The following PRKCQ variants were observed in gnomAD, a reference collection of about 807,000 sequenced individuals.
The protein encoded by PRKCQ is protein kinase C theta type.
PRKCQ carries 41 observed loss-of-function variants against 91.2 expected under a neutral mutation model. That is an observed-to-expected ratio of 0.45 (90% CI 0.35 to 0.58). The LOEUF is 0.58. Ranked by LOEUF, PRKCQ falls within the 20% of genes least tolerant of loss-of-function variation. PRKCQ has a pLI of 0.00. For synonymous variants in PRKCQ, 307 were observed against 316.9 expected, an observed-to-expected ratio of 0.97 and a Z score of 0.33; for missense variants, 673 against 896.5, an observed-to-expected ratio of 0.75 and a Z score of 3.18.
At chr10:6,526,640 C>T (rs1184565366) in intron 1 of PRKCQ, among the ~76,000 whole-genome samples, 8 of 152,120 alleles carry the variant, frequency 5.3e-5, no homozygotes, top group Admixed American at 2.6e-4. Flanking sequence ...CTGCCAAGCA[C>T]GTTCTGGGAA....
At position 6,430,760 on chromosome 10, in the gene PRKCQ, G is replaced by A. The variant is rs555551020; in HGVS notation, c.1965+50C>T. 27 of 1,596,442 alleles carry A rather than the reference G, an allele frequency of 1.7e-5. No individual in the cohort carries two copies. The South Asian group carries it at 2.2e-4, about 13-fold the overall frequency. ...GTGACTTGGACAGGCAGACGGCCCT[G>A]AGCGGAGGGAGAGTGGCTGACACCA... On this transcript the variant is annotated intron_variant, in intron 17 of 17. Transcript: ENST00000263125. This position sits in a 1 kb window ranked among gnomAD's most constrained non-coding sequence, Gnocchi z 4.7.
At chr10:6,490,634 A>C (rs2130800406) in intron 8 of PRKCQ, among the ~76,000 whole-genome samples, 1 of 151,980 alleles carries the variant, frequency 6.6e-6, no homozygotes, top group Non-Finnish European at 1.5e-5. Context: ...GGTCCCAGCT[A>C]CTTGAGAGGC....
intron 14 of PRKCQ, among the ~76,000 whole-genome samples, chr10:6,461,984 A>G (rs1835373847): frequency 6.6e-6 from 1 of 152,220 alleles, no homozygotes; most frequent in African/African-American, 2.4e-5. Context: ...AAGGGGACAA[A>G]AGAGAAAGAA....
chr10:6,462,657 GTCAT>G (rs1409606009), intron 13 of PRKCQ, among the ~76,000 whole-genome samples: 1 of 152,090 alleles, frequency 6.6e-6, no homozygotes, highest in Non-Finnish European at 1.5e-5. Context: ...TGCTCACATT[GTCAT>G]TTTTTTTGTT....
At chr10:6,506,688 C>T (rs1003402139) in intron 4 of PRKCQ, among the ~76,000 whole-genome samples, 10 of 151,908 alleles carry the variant, frequency 6.6e-5, no homozygotes, top group Non-Finnish European at 1.0e-4. Flanking sequence ...TATGGTAAGC[C>T]GAAACTCAGA....
At chr10:6,407,179 C>T in the PRKCQ span, among the ~76,000 whole-genome samples, 10 of 151,974 alleles carry the variant, frequency 6.6e-5, no homozygotes, top group Non-Finnish European at 1.2e-4. This position sits in a 1 kb window ranked among gnomAD's most constrained non-coding sequence, Gnocchi z 4.0. Flanking sequence ...GGGCTGGAGA[C>T]ATGAGACAGA....
chr10:6,461,329 G>A (rs943749444), intron 14 of PRKCQ, among the ~76,000 whole-genome samples: 4 of 151,978 alleles, frequency 2.6e-5, no homozygotes, highest in Non-Finnish European at 5.9e-5. Context: ...CAGTGCCTAG[G>A]TACAAAAATA....
the PRKCQ span, among the ~76,000 whole-genome samples, chr10:6,397,934 A>C: frequency 6.6e-6 from 1 of 152,174 alleles, no homozygotes; most frequent in Non-Finnish European, 1.5e-5. Context: ...TAAAAAAAAA[A>C]GAAAGAAAGA....
chr10:6,475,603 A>G (rs1260024648), intron 12 of PRKCQ, among the ~76,000 whole-genome samples: 1 of 152,250 alleles, frequency 6.6e-6, no homozygotes, highest in Non-Finnish European at 1.5e-5. Flanking sequence ...TTAAAAAATA[A>G]CAATGCCCTG....
chr10:6,428,596 C>A (rs533935111), intron 17 of PRKCQ, among the ~76,000 whole-genome samples: 1 of 152,004 alleles, frequency 6.6e-6, no homozygotes, highest in African/African-American at 2.4e-5. Context: ...AGAAAGACTA[C>A]GACTGTAGAC....
chr10:6,563,366 T>C (rs1169472420), intron 1 of PRKCQ, among the ~76,000 whole-genome samples: 1 of 151,998 alleles, frequency 6.6e-6, no homozygotes, highest in Non-Finnish European at 1.5e-5. Flanking sequence ...GTGCCCTGCC[T>C]TCTGAGTCCA....
chr10:6,569,797 G>A (rs867821033), intron 1 of PRKCQ, among the ~76,000 whole-genome samples: 67 of 152,170 alleles, frequency 4.4e-4, no homozygotes, highest in African/African-American at 1.5e-3. Context: ...GCAGAAAAGA[G>A]CAGGAGGAGA....
At chr10:6,470,460 A>T (rs1475227716) in intron 12 of PRKCQ, among the ~76,000 whole-genome samples, 2 of 152,224 alleles carry the variant, frequency 1.3e-5, no homozygotes. Flanking sequence ...ATACAACGTA[A>T]TGTTGGGTCT....
chr10:6,502,859 G>A (rs1480971415), intron 4 of PRKCQ, among the ~76,000 whole-genome samples: 3 of 152,294 alleles, frequency 2.0e-5, no homozygotes, highest in South Asian at 2.1e-4. Context: ...TAGGTTACTC[G>A]TGAATGTGGC....
At chr10:6,508,768 C>T (rs1022611877) in intron 3 of PRKCQ, among the ~76,000 whole-genome samples, 1 of 152,102 alleles carries the variant, frequency 6.6e-6, no homozygotes, top group Non-Finnish European at 1.5e-5. Flanking sequence ...GTATTCAGTA[C>T]TTAGTAGTGA....
chr10:6,449,693 G>C (rs1422973735), intron 15 of PRKCQ, among the ~76,000 whole-genome samples: 2 of 152,060 alleles, frequency 1.3e-5, no homozygotes, highest in African/African-American at 4.8e-5. Context: ...GAAAGGTCGG[G>C]TTACCCACAA....
chr10:6,453,436 A>G (rs1381194393), intron 15 of PRKCQ, among the ~76,000 whole-genome samples: 1 of 152,160 alleles, frequency 6.6e-6, no homozygotes, highest in Non-Finnish European at 1.5e-5. Context: ...GCTGGAGAGG[A>G]TGTGGAGAAA....
At chr10:6,579,649 CTT>C (rs5782914) in intron 1 of PRKCQ, among the ~76,000 whole-genome samples, 3,661 of 131,966 alleles carry the variant, frequency 0.028, 127 homozygotes, top group African/African-American at 0.087. Flanking sequence ...GCAGATTTTT[CTT>C]TTTTTTTTTT....
At chr10:6,538,887 C>T (rs1222408536) in intron 1 of PRKCQ, among the ~76,000 whole-genome samples, 2 of 152,108 alleles carry the variant, frequency 1.3e-5, no homozygotes, top group Admixed American at 6.5e-5. Context: ...CCTCACCCTC[C>T]GGAGTAGCTG....
Sources: gnomAD v4.1 joint callset for allele counts (sites outside exome capture counted in the v4.1 genomes callset) on GRCh38, gnomAD v4.1.1 for gene constraint, Gnocchi (gnomAD v3.1) non-coding constraint, MANE v1.5 for transcripts, NCBI Gene and HGNC (gene_info 2026-07-23, HGNC 2026-07-21) for gene names.